Variants in DLGAP3 observed in about 807,000 individuals in gnomAD.
DLGAP3 encodes disks large-associated protein 3.
A neutral mutation model predicts 81.2 loss-of-function variants in DLGAP3; 17 were observed. The observed-to-expected ratio is 0.21, with a 90% CI of 0.14 to 0.31. The LOEUF (loss-of-function observed/expected upper bound fraction) is 0.31. Ranked by LOEUF, DLGAP3 falls within the 10% of genes least tolerant of loss-of-function variation. The pLI is 1.00. For missense variants in DLGAP3, 1,124 were observed against 1,388.0 expected (o/e 0.81, Z 3.02); for synonymous variants, 577 against 587.4 (o/e 0.98, Z 0.26).
chr1:34,902,940 G>C lies in DLGAP3; in HGVS notation c.1107+1337C>G, dbSNP rs1308741769. ...CCTGCACCCTGCAGTTCCCAGCTTAGAGCACCTCCCTACCCAGGGAGGGGG... is the reference window on the plus strand; with the variant it reads ...CCTGCACCCTGCAGTTCCCAGCTTACAGCACCTCCCTACCCAGGGAGGGGG... On this transcript the variant is annotated intron_variant, in intron 3 of 11. Coordinates refer to ENST00000373347, the MANE Select transcript of DLGAP3 (RefSeq NM_001080418.3). The surrounding 1 kb of genome is among the most constrained non-coding windows in gnomAD (Gnocchi z 4.4). Among the ~76,000 whole-genome samples, 1 of 152,078 alleles carries C rather than the reference G, an allele frequency of 6.6e-6. No individual in the cohort carries two copies. The highest frequency in any genetic ancestry group is 2.4e-5 in the African/African-American group (1 of 41,410).
rs1553123745 is a variant in DLGAP3, at chr1:34,906,016, T to TTATTTATATATATATATATATATATATA, written c.-51-583_-51-582insTATATATATATATATATATATATAAATA. Among the ~76,000 whole-genome samples, 10 of 64,808 alleles carry TTATTTATATATATATATATATATATATA rather than the reference T, an allele frequency of 1.5e-4. 1 individual carries two copies. The highest frequency in any genetic ancestry group is 3.1e-4 in the Non-Finnish European group (9 of 29,096). The allele number at this position is 64,808 out of a possible 152,430, so 42.5% of individuals were successfully genotyped here. Reference sequence around the variant, plus strand: ...ACAGAGCGAGACCTGGCCTCTAAATTTATATATATATATATATTTGTTTGT... The same window carrying TTATTTATATATATATATATATATATATA: ...ACAGAGCGAGACCTGGCCTCTAAATTTATTTATATATATATATATATATATATATATATATATATATATATTTGTTTGT... On this transcript the variant is annotated intron_variant, in intron 2 of 11. Coordinates refer to ENST00000373347, the MANE Select transcript of DLGAP3 (RefSeq NM_001080418.3).
intron 5 of DLGAP3, among the ~76,000 whole-genome samples, chr1:34,898,564 A>C (rs1307752549): frequency 6.6e-6 from 1 of 152,270 alleles, no homozygotes; most frequent in Non-Finnish European, 1.5e-5. Context: ...ATGAGAGCCA[A>C]CGTGGACAGT....
intron 1 of DLGAP3, among the ~76,000 whole-genome samples, chr1:34,912,897 T>C (rs939509188): frequency 1.3e-5 from 2 of 152,200 alleles, no homozygotes; most frequent in Admixed American, 1.3e-4. Flanking sequence ...CCCAGCCCCT[T>C]GTCTCTTCCT....
rs926465143 is a variant in DLGAP3, at chr1:34,867,326, G to A, written c.2578-135C>T. On this transcript the variant is annotated intron_variant, in intron 10 of 11. Transcript: ENST00000373347. The surrounding 1 kb of genome is among the most constrained non-coding windows in gnomAD (Gnocchi z 4.3). Reference sequence around the variant, plus strand: ...GAGTGGGTGGGGGCTGGGAGACAGGGGGACAAGAGCGAGCCCAGGACTCCC... The same window carrying A: ...GAGTGGGTGGGGGCTGGGAGACAGGAGGACAAGAGCGAGCCCAGGACTCCC... The A allele has an allele frequency of 2.3e-6, 3 of 1,332,034 alleles. No individual in the cohort carries two copies. Among genetic ancestry groups the A allele is most frequent in the African/African-American group, 1.4e-5 (1 of 69,930 alleles). The allele number at this position is 1,332,034 out of a possible 1,614,324, so 82.5% of individuals were successfully genotyped here.
chr1:34,867,129 C>T lies in DLGAP3; in HGVS notation c.2640G>A (p.Gln880=), dbSNP rs1434354963. 1 of 1,614,182 alleles carries T rather than the reference C, an allele frequency of 6.2e-7. No individual in the cohort carries two copies. Among genetic ancestry groups the T allele is most frequent in the Admixed American group, 1.7e-5 (1 of 60,032 alleles). The part of the protein sequence containing the change: ...QDLAGFWDLL[Q]LSIEDVTLKF... ...TGAGGGTCACATCCTCGATGGAGAGCTGTAGGAGGTCCCAGAAACCCGCCA... is the reference window on the plus strand; with the variant it reads ...TGAGGGTCACATCCTCGATGGAGAGTTGTAGGAGGTCCCAGAAACCCGCCA... The change falls in exon 11 of 12, where the codon CAG becomes CAA. Residue 880 remains glutamine, a synonymous_variant. Coordinates refer to ENST00000373347, the MANE Select transcript of DLGAP3 (RefSeq NM_001080418.3). The surrounding 1 kb of genome is among the most constrained non-coding windows in gnomAD (Gnocchi z 4.3).
rs1639503069 is a variant in DLGAP3 at position 34,904,038 on chromosome 1, G to A, written c.1107+239C>T. On this transcript the variant is annotated intron_variant, in intron 3 of 11. Coordinates refer to ENST00000373347, the MANE Select transcript of DLGAP3 (RefSeq NM_001080418.3). The surrounding 1 kb of genome is among the most constrained non-coding windows in gnomAD (Gnocchi z 8.1). ...AGCCTGTCCAAAACAGTAGGTCAAG[G>A]GAAAATCTCTAGGGACAGACACATC... 2.0e-5 allele frequency among the ~76,000 whole-genome samples: 3 copies of A among 152,120 alleles called. No individual in the cohort carries two copies. Among genetic ancestry groups the A allele is most frequent in the African/African-American group, 4.8e-5 (2 of 41,408 alleles).
intron 8 of DLGAP3, among the ~76,000 whole-genome samples, chr1:34,877,052 GA>G (rs1188904294): frequency 1.3e-5 from 2 of 152,200 alleles, no homozygotes. Flanking sequence ...ATAGGAATGA[GA>G]AATGTCCAGG....
intron 8 of DLGAP3, among the ~76,000 whole-genome samples, chr1:34,872,929 GATA>G (rs1459853864): frequency 1.3e-5 from 2 of 152,180 alleles, no homozygotes; most frequent in African/African-American, 4.8e-5. Context: ...CTGAATTTGT[GATA>G]ATGTTTCAGC....
intron 1 of DLGAP3, among the ~76,000 whole-genome samples, chr1:34,914,395 G>T (rs952595924): frequency 1.3e-5 from 2 of 152,144 alleles, no homozygotes; most frequent in Non-Finnish European, 2.9e-5. Context: ...GTCTCCAGGG[G>T]CCTTCTTTGG....
chr1:34,896,228 GA>G (rs1410600426), intron 5 of DLGAP3, among the ~76,000 whole-genome samples: 1 of 152,038 alleles, frequency 6.6e-6, no homozygotes, highest in Non-Finnish European at 1.5e-5. Flanking sequence ...CTAGCCTCCA[GA>G]ATTGTGAGAA....
chr1:34,929,235 C>G lies in DLGAP3; in HGVS notation c.-135+216G>C, dbSNP rs1639919903. ...CGTGGGTCCGCGGTCCGCGTGGTCC[C>G]CTGCCCGCCCCTCGGGTCGGGCCCG... On this transcript the variant is annotated intron_variant, in intron 1 of 11. Coordinates refer to ENST00000373347, the MANE Select transcript of DLGAP3 (RefSeq NM_001080418.3). This position sits in a 1 kb window ranked among gnomAD's most constrained non-coding sequence, Gnocchi z 6.5. Among the ~76,000 whole-genome samples, 1 of 151,352 alleles carries G rather than the reference C, an allele frequency of 6.6e-6. No individual in the cohort carries two copies. Among genetic ancestry groups the G allele is most frequent in the Non-Finnish European group, 1.5e-5 (1 of 67,552 alleles).
At chr1:34,897,942 G>A (rs1278847604) in intron 5 of DLGAP3, among the ~76,000 whole-genome samples, 1 of 152,170 alleles carries the variant, frequency 6.6e-6, no homozygotes, top group Non-Finnish European at 1.5e-5. Flanking sequence ...GGATAAAGTT[G>A]CCATTATCTG....
At chr1:34,886,768 T>G (rs1639237731) in intron 5 of DLGAP3, among the ~76,000 whole-genome samples, 1 of 151,042 alleles carries the variant, frequency 6.6e-6, no homozygotes, top group African/African-American at 2.4e-5. Flanking sequence ...AAGCTCTGTG[T>G]ATATATATAC....
At chr1:34,890,648 C>T (rs561596479) in intron 5 of DLGAP3, among the ~76,000 whole-genome samples, 1 of 152,306 alleles carries the variant, frequency 6.6e-6, no homozygotes, top group South Asian at 2.1e-4. Flanking sequence ...AAATTGATGT[C>T]CCTGGTTAGT....
Position 34,904,190 on chromosome 1 carries a change from C to A in DLGAP3, c.1107+87G>T. 2.0e-6 allele frequency: 3 copies of A among 1,535,818 alleles called. No homozygotes were observed. The South Asian group carries it at 3.4e-5, about 17-fold the overall frequency. On this transcript the variant is annotated intron_variant, in intron 3 of 11. Coordinates refer to ENST00000373347, the MANE Select transcript of DLGAP3 (RefSeq NM_001080418.3). This position sits in a 1 kb window ranked among gnomAD's most constrained non-coding sequence, Gnocchi z 8.1. ...GGCCCTCCATCACAGGGACAGCTGG[C>A]TCCCACCCAACCCTTTCCACTGCTC...
At chr1:34,905,474 C>G in intron 2 of DLGAP3, 40 bp from the exon 3 acceptor site, 2 of 1,362,936 alleles carry the variant, frequency 1.5e-6, no homozygotes, top group Non-Finnish European at 2.0e-6. Flanking sequence ...ATTGAACAGC[C>G]CTCTTCACCT....
In DLGAP3 at chr1:34,885,428, C is replaced by T. The variant is rs778174482; in HGVS notation, c.1914+50G>A. The T allele has an allele frequency of 5.7e-6, 9 of 1,589,282 alleles. No homozygotes were observed. In the South Asian group the frequency reaches 8.9e-5, roughly 16 times the overall value. On this transcript the variant is annotated intron_variant, in intron 7 of 11. Coordinates refer to ENST00000373347, the MANE Select transcript of DLGAP3 (RefSeq NM_001080418.3). ...GGCCGCTTCCAGCCCCTCACCCCAG[C>T]CCCGACCGACCAGGGTCAGAGCCCT...
intron 8 of DLGAP3, among the ~76,000 whole-genome samples, chr1:34,880,790 C>T (rs1427981504): frequency 6.6e-6 from 1 of 151,930 alleles, no homozygotes; most frequent in East Asian, 1.9e-4. Flanking sequence ...GTGCCAAAAA[C>T]TTTGAAAACT....
intron 1 of DLGAP3, among the ~76,000 whole-genome samples, chr1:34,918,335 AC>A (rs1428660006): frequency 6.6e-6 from 1 of 152,176 alleles, no homozygotes; most frequent in East Asian, 1.9e-4. Flanking sequence ...GGCAAGCAGG[AC>A]CCTTACAGTG....
Sources: allele counts gnomAD v4.1 joint callset (sites outside exome capture counted in the v4.1 genomes callset), GRCh38; gene constraint gnomAD v4.1.1; non-coding constraint Gnocchi (gnomAD v3.1); transcripts MANE v1.5; gene names NCBI Gene and HGNC (gene_info 2026-07-23, HGNC 2026-07-21).